Variants in WLS observed in about 807,000 individuals in gnomAD.
WLS encodes Wnt ligand secretion mediator, also known as protein wntless homolog.
In WLS, 23 loss-of-function variants were observed where a neutral mutation model predicts 62.8. The ratio of observed to expected loss-of-function variants is 0.37; its 90% CI spans 0.26 to 0.52. WLS has a LOEUF of 0.52. Ranked by LOEUF, WLS falls within the 20% of genes least tolerant of loss-of-function variation. WLS has a pLI of 0.92. For missense variants in WLS, 615 were observed against 697.3 expected, an observed-to-expected ratio of 0.88 and a Z score of 1.33; for synonymous variants, 246 against 244.1, an observed-to-expected ratio of 1.01 and a Z score of -0.07.
At chr1:68,112,857 T>C (rs773458248) in intron 11 of WLS, among the ~76,000 whole-genome samples, 54 of 152,348 alleles carry the variant, frequency 3.5e-4, no homozygotes, top group Non-Finnish European at 6.5e-4. Context: ...GAAACAAATA[T>C]CTTCTCTTCC....
intron 10 of WLS, 96 bp from the exon 11 acceptor site, chr1:68,138,029 T>C: frequency 6.9e-7 from 1 of 1,456,082 alleles, no homozygotes; most frequent in African/African-American, 1.4e-5. Flanking sequence ...AAACCAAGTC[T>C]CTTCTACATG....
At chr1:68,218,602 TG>T (rs1349501086) in intron 1 of WLS, among the ~76,000 whole-genome samples, 2 of 152,246 alleles carry the variant, frequency 1.3e-5, no homozygotes, top group African/African-American at 2.4e-5. Flanking sequence ...TTGTCATACT[TG>T]CTTCCTTCCC....
chr1:68,145,422 G>A (rs1646739416), intron 9 of WLS, among the ~76,000 whole-genome samples: 1 of 152,104 alleles, frequency 6.6e-6, no homozygotes, highest in African/African-American at 2.4e-5. Flanking sequence ...AGCATCTGCT[G>A]GATATTTTAG....
chr1:68,125,662 G>T lies in WLS; in HGVS notation c.*564C>A. On this transcript the variant is annotated 3_prime_UTR_variant, in exon 12 of 12. Coordinates refer to ENST00000262348, the MANE Select transcript of WLS (RefSeq NM_024911.7). ...GGAATAAATCTTCTCATGAAATTCA[G>T]TTATATTATGCCACAAAACAGGGAC... The T allele has an allele frequency of 1.0e-6, 1 of 985,568 alleles. No homozygotes were observed. The highest frequency in any genetic ancestry group is 1.2e-6 in the Non-Finnish European group (1 of 830,072). The allele number at this position is 985,568 out of a possible 1,614,324, so 61.1% of individuals were successfully genotyped here. A position where few individuals can be genotyped will look rare whatever the true frequency, so the allele number is the denominator to read the frequency against.
intron 1 of WLS, among the ~76,000 whole-genome samples, chr1:68,221,613 A>G (rs967264855): frequency 6.6e-6 from 1 of 152,248 alleles, no homozygotes; most frequent in Non-Finnish European, 1.5e-5. Context: ...ACTGAGTAAA[A>G]GAAATAGAAC....
At chr1:68,111,973 G>A (rs1646234126) in intron 11 of WLS, among the ~76,000 whole-genome samples, 1 of 152,244 alleles carries the variant, frequency 6.6e-6, no homozygotes, top group South Asian at 2.1e-4. Context: ...CGTGCATGCA[G>A]TGCTTTATCG....
At chr1:68,133,490 G>A (rs538276068) in intron 11 of WLS, among the ~76,000 whole-genome samples, 6 of 152,158 alleles carry the variant, frequency 3.9e-5, no homozygotes, top group African/African-American at 9.6e-5. Flanking sequence ...TCACTCCTTC[G>A]AGCTTCACTT....
chr1:68,111,345 T>TG (rs1646226537), intron 11 of WLS, among the ~76,000 whole-genome samples: 1 of 152,204 alleles, frequency 6.6e-6, no homozygotes, highest in Non-Finnish European at 1.5e-5. Flanking sequence ...GAGAAGCTGG[T>TG]GACAAGTGGT....
intron 2 of WLS, chr1:68,161,880 T>G: frequency 6.2e-7 from 1 of 1,608,896 alleles, no homozygotes; most frequent in Non-Finnish European, 8.5e-7. Context: ...GGATGATCCC[T>G]TCCACGGCTG....
At chr1:68,166,341 T>C (rs1366215798) in intron 2 of WLS, among the ~76,000 whole-genome samples, 1 of 152,190 alleles carries the variant, frequency 6.6e-6, no homozygotes, top group African/African-American at 2.4e-5. Context: ...AGTCACACAA[T>C]ATGAATATGC....
intron 2 of WLS, among the ~76,000 whole-genome samples, chr1:68,169,362 A>T (rs903785689): frequency 2.0e-5 from 3 of 152,184 alleles, no homozygotes; most frequent in African/African-American, 7.2e-5. Context: ...CAATTTTTTT[A>T]AATAAATGAA....
chr1:68,204,098 T>C (rs1472760614), intron 1 of WLS, among the ~76,000 whole-genome samples: 3 of 152,170 alleles, frequency 2.0e-5, no homozygotes, highest in Non-Finnish European at 4.4e-5. Context: ...GTCAAAAATT[T>C]AGTATTGTAC....
chr1:68,117,296 T>C (rs1646305081), intron 11 of WLS, among the ~76,000 whole-genome samples: 1 of 152,214 alleles, frequency 6.6e-6, no homozygotes, highest in African/African-American at 2.4e-5. Flanking sequence ...CCTAGTATAA[T>C]TTTTTAAACA....
downstream of WLS, among the ~76,000 whole-genome samples, chr1:68,123,155 C>A (rs1005596931): frequency 3.9e-5 from 6 of 152,164 alleles, no homozygotes; most frequent in African/African-American, 1.4e-4. Flanking sequence ...CATTTTACCT[C>A]CTTCCTTCCC....
intron 9 of WLS, 130 bp from the exon 10 acceptor site, chr1:68,144,782 T>C (rs1646731777): frequency 2.9e-6 from 2 of 689,432 alleles, no homozygotes; most frequent in East Asian, 6.1e-5. Context: ...AGTAAAATAG[T>C]TTCCCATAGT....
chr1:68,189,855 G>A (rs1010972971), intron 2 of WLS, among the ~76,000 whole-genome samples: 11 of 152,150 alleles, frequency 7.2e-5, no homozygotes, highest in East Asian at 3.9e-4. Context: ...CCAACATGGC[G>A]AAACCCCGTC....
At chr1:68,137,397 C>T (rs1186405292) in intron 11 of WLS, among the ~76,000 whole-genome samples, 1 of 152,112 alleles carries the variant, frequency 6.6e-6, no homozygotes, top group Non-Finnish European at 1.5e-5. Flanking sequence ...GCCCAGACTC[C>T]CTCCACCTGA....
intron 11 of WLS, among the ~76,000 whole-genome samples, chr1:68,099,137 G>A (rs192644842): frequency 2.3e-4 from 35 of 152,252 alleles, no homozygotes; most frequent in African/African-American, 8.2e-4. Context: ...ACAGGCACTG[G>A]GGGATACAGC....
chr1:68,216,289 C>A (rs1031932465), intron 1 of WLS, among the ~76,000 whole-genome samples: 5 of 152,178 alleles, frequency 3.3e-5, no homozygotes, highest in African/African-American at 1.2e-4. Context: ...ACAGTTACTC[C>A]CCATCTCAGT....
Sources: gnomAD v4.1 joint callset for allele counts (sites outside exome capture counted in the v4.1 genomes callset) on GRCh38, gnomAD v4.1.1 for gene constraint, MANE v1.5 for transcripts, NCBI Gene and HGNC (gene_info 2026-07-23, HGNC 2026-07-21) for gene names.